Variants in MACROD2 observed in about 807,000 individuals in gnomAD.
The protein encoded by MACROD2 is ADP-ribose glycohydrolase MACROD2.
MACROD2 carries 36 observed loss-of-function variants against 70.4 expected under a neutral mutation model. The ratio of observed to expected loss-of-function variants is 0.51; its 90% confidence interval spans 0.39 to 0.68. The LOEUF is 0.68. Among genes scored for constraint, MACROD2 ranks in the 30% least tolerant of loss-of-function variants. The pLI, the probability that MACROD2 is intolerant of heterozygous loss-of-function variation, is 0.00. For missense variants in MACROD2, 496 were observed against 538.4 expected (o/e 0.92, Z 0.78); for synonymous variants, 172 against 178.8 (o/e 0.96, Z 0.30).
chr20:14,196,818 A>C (rs968055904), intron 3 of MACROD2, among the ~76,000 whole-genome samples: 9 of 152,320 alleles, frequency 5.9e-5, no homozygotes, highest in Admixed American at 5.9e-4. Flanking sequence ...GACAGCTCTT[A>C]GTTTTACATA....
intron 5 of MACROD2, among the ~76,000 whole-genome samples, chr20:14,848,939 C>G (rs1568831279): frequency 6.6e-6 from 1 of 152,122 alleles, no homozygotes; most frequent in Non-Finnish European, 1.5e-5. Flanking sequence ...CTCCGGCAGA[C>G]ATCACTTATC....
chr20:15,411,232 T>C (rs1430266984), intron 6 of MACROD2, among the ~76,000 whole-genome samples: 1 of 151,812 alleles, frequency 6.6e-6, no homozygotes, highest in African/African-American at 2.4e-5. Context: ...AGAAATTCTT[T>C]AGAAATCATG....
intron 5 of MACROD2, among the ~76,000 whole-genome samples, chr20:14,856,334 A>G (rs970752974): frequency 3.9e-5 from 6 of 152,208 alleles, no homozygotes; most frequent in African/African-American, 1.4e-4. Context: ...ATATACCTAT[A>G]TTACTTGACT....
At chr20:15,150,149 A>G (rs2076258916) in intron 5 of MACROD2, among the ~76,000 whole-genome samples, 1 of 152,030 alleles carries the variant, frequency 6.6e-6, no homozygotes, top group South Asian at 2.1e-4. Context: ...CAGATGAGGA[A>G]GAAATTTGGG....
intron 3 of MACROD2, among the ~76,000 whole-genome samples, chr20:14,157,804 A>G (rs2055125399): frequency 6.6e-6 from 1 of 152,054 alleles, no homozygotes; most frequent in South Asian, 2.1e-4. Flanking sequence ...GTATAGCCAC[A>G]TTTTCTTTAT....
At chr20:15,041,175 CAATA>C (rs1323248612) in intron 5 of MACROD2, among the ~76,000 whole-genome samples, 1 of 152,064 alleles carries the variant, frequency 6.6e-6, no homozygotes, top group East Asian at 1.9e-4. Context: ...AAGAAAAAGC[CAATA>C]AATGGGAAAG....
At chr20:15,797,691 G>A (rs2063687771) in intron 8 of MACROD2, among the ~76,000 whole-genome samples, 1 of 152,160 alleles carries the variant, frequency 6.6e-6, no homozygotes, top group Admixed American at 6.5e-5. Context: ...TACCAACTAA[G>A]GGTTGGGATG....
At chr20:14,737,981 C>G (rs1482863997) in intron 5 of MACROD2, among the ~76,000 whole-genome samples, 1 of 152,108 alleles carries the variant, frequency 6.6e-6, no homozygotes, top group East Asian at 1.9e-4. Flanking sequence ...ATTATGTCCT[C>G]TACACAGTCC....
At chr20:14,856,078 A>G (rs949485660) in intron 5 of MACROD2, among the ~76,000 whole-genome samples, 3 of 152,166 alleles carry the variant, frequency 2.0e-5, no homozygotes, top group Non-Finnish European at 4.4e-5. Context: ...TACATGAAAC[A>G]TACTTAGTTT....
intron 4 of MACROD2, among the ~76,000 whole-genome samples, chr20:14,539,844 A>G (rs2085409720): frequency 6.6e-6 from 1 of 152,184 alleles, no homozygotes; most frequent in South Asian, 2.1e-4. Context: ...GATGTGAATC[A>G]TATTTTTTTC....
At chr20:14,805,897 C>A (rs1188511207) in intron 5 of MACROD2, among the ~76,000 whole-genome samples, 6 of 152,052 alleles carry the variant, frequency 3.9e-5, no homozygotes, top group African/African-American at 1.5e-4. Context: ...CATAGATAGT[C>A]AGATCCTGAC....
At chr20:15,220,854 C>T (rs1293593682) in intron 5 of MACROD2, among the ~76,000 whole-genome samples, 3 of 152,130 alleles carry the variant, frequency 2.0e-5, no homozygotes, top group Non-Finnish European at 2.9e-5. Context: ...GAACAATTGC[C>T]CTATGCACTG....
chr20:15,272,357 A>G (rs1009077248), intron 6 of MACROD2, among the ~76,000 whole-genome samples: 1 of 152,184 alleles, frequency 6.6e-6, no homozygotes, highest in Non-Finnish European at 1.5e-5. Context: ...ATCAAACAGA[A>G]TATTGGACTC....
chr20:15,054,925 G>A (rs1163598313), intron 5 of MACROD2, among the ~76,000 whole-genome samples: 1 of 150,278 alleles, frequency 6.7e-6, no homozygotes, highest in Non-Finnish European at 1.5e-5. Flanking sequence ...TGAGATTACA[G>A]GCTTGTGCCG....
intron 8 of MACROD2, among the ~76,000 whole-genome samples, chr20:15,721,083 A>G (rs1287564627): frequency 2.0e-5 from 3 of 152,182 alleles, no homozygotes. Flanking sequence ...TGGCTAATCT[A>G]TGTTAAGTAA....
At chr20:14,436,437 T>C (rs976003851) in intron 3 of MACROD2, among the ~76,000 whole-genome samples, 3 of 152,214 alleles carry the variant, frequency 2.0e-5, no homozygotes, top group Admixed American at 2.0e-4. Context: ...ATTATGCTGT[T>C]TTCTTTGCTG....
At chr20:15,253,485 C>T (rs1238951344) in intron 6 of MACROD2, among the ~76,000 whole-genome samples, 1 of 152,142 alleles carries the variant, frequency 6.6e-6, no homozygotes, top group African/African-American at 2.4e-5. Flanking sequence ...ATGTGCAAAG[C>T]TAACTTATGA....
intron 3 of MACROD2, among the ~76,000 whole-genome samples, chr20:14,168,524 G>T (rs1346340443): frequency 6.6e-6 from 1 of 152,044 alleles, no homozygotes; most frequent in African/African-American, 2.4e-5. Context: ...TTGCATTATT[G>T]TAGTACATTT....
At chr20:14,863,924 C>T (rs1381384953) in intron 5 of MACROD2, among the ~76,000 whole-genome samples, 1 of 152,068 alleles carries the variant, frequency 6.6e-6, no homozygotes, top group Non-Finnish European at 1.5e-5. Flanking sequence ...AGTGCATTGG[C>T]TTACAATGAA....
Sources: gnomAD v4.1 joint callset for allele counts (sites outside exome capture counted in the v4.1 genomes callset) on GRCh38, gnomAD v4.1.1 for gene constraint, MANE v1.5 for transcripts, NCBI Gene and HGNC (gene_info 2026-07-23, HGNC 2026-07-21) for gene names.